Variants in ORC4 observed in about 807,000 individuals in gnomAD.
The protein encoded by ORC4 is origin recognition complex subunit 4, also known as origin recognition complex, subunit 4 homolog.
A neutral mutation model predicts 63.9 loss-of-function variants in ORC4; 55 were observed. The ratio of observed to expected loss-of-function variants is 0.86; its 90% CI spans 0.69 to 1.08. The LOEUF (loss-of-function observed/expected upper bound fraction) is 1.08, where lower values mean the gene tolerates loss of function less well. ORC4 is among the 50% of genes least tolerant of loss of function. The pLI is 0.00. For synonymous variants in ORC4, 150 were observed against 168.5 expected (o/e 0.89, Z 0.85); for missense variants, 511 against 504.4 (o/e 1.01, Z -0.13).
At chr2:147,946,681 T>A (rs912969961) in intron 9 of ORC4, among the ~76,000 whole-genome samples, 1 of 152,070 alleles carries the variant, frequency 6.6e-6, no homozygotes, top group Non-Finnish European at 1.5e-5. Context: ...TTAAAGATAA[T>A]GTCAGCTATT....
intron 1 of ORC4, among the ~76,000 whole-genome samples, chr2:148,010,962 G>A (rs1454429879): frequency 6.7e-6 from 1 of 150,208 alleles, no homozygotes; most frequent in Non-Finnish European, 1.5e-5. Flanking sequence ...CAGATTAGCT[G>A]GGATTACAGG....
At chr2:148,010,018 A>G (rs1449687741) in intron 1 of ORC4, among the ~76,000 whole-genome samples, 4 of 152,222 alleles carry the variant, frequency 2.6e-5, no homozygotes, top group Non-Finnish European at 4.4e-5. Context: ...TCTAACCACA[A>G]TGGAATAAAA....
intron 1 of ORC4, among the ~76,000 whole-genome samples, chr2:148,014,474 A>C (rs1693145340): frequency 6.6e-6 from 1 of 152,184 alleles, no homozygotes; most frequent in African/African-American, 2.4e-5. Context: ...CTATTATTCT[A>C]GGACTCATAT....
intron 1 of ORC4, among the ~76,000 whole-genome samples, chr2:148,015,804 A>C (rs1193893856): frequency 1.3e-5 from 2 of 152,182 alleles, no homozygotes; most frequent in African/African-American, 4.8e-5. Context: ...AAAACAGCAG[A>C]GACAACTTGC....
chr2:148,011,747 T>C (rs1246144547), intron 1 of ORC4, among the ~76,000 whole-genome samples: 1 of 152,158 alleles, frequency 6.6e-6, no homozygotes. Flanking sequence ...TTAGAACTAA[T>C]AAATTCAGTA....
intron 4 of ORC4, among the ~76,000 whole-genome samples, chr2:147,968,619 A>C (rs1690033756): frequency 6.6e-6 from 1 of 152,084 alleles, no homozygotes; most frequent in African/African-American, 2.4e-5. Flanking sequence ...GTCTATTTTC[A>C]GAAAAACAAA....
Position 147,935,295 on chromosome 2 carries a change from C to G in ORC4, c.*215G>C. On this transcript the variant is annotated 3_prime_UTR_variant, in exon 14 of 14. Coordinates refer to ENST00000392857, the MANE Select transcript of ORC4 (RefSeq NM_181741.4). ...AACAGTCATATTTTATTCTTCTGAA[C>G]AGCTACTTACAAAGTAATCTCAATC... 1 of 567,170 alleles carries G rather than the reference C, an allele frequency of 1.8e-6. No individual in the cohort carries two copies. The allele number at this position is 567,170 out of a possible 1,614,324, so 35.1% of individuals were successfully genotyped here. A position where few individuals can be genotyped will look rare whatever the true frequency, so the allele number is the denominator to read the frequency against.
intron 4 of ORC4, chr2:147,960,318 A>T (rs969003490): frequency 1.0e-6 from 1 of 982,012 alleles, no homozygotes; most frequent in Non-Finnish European, 1.2e-6. Flanking sequence ...TGAAATGATA[A>T]ATATATTAGC....
chr2:147,968,276 A>G (rs937752528), intron 4 of ORC4, among the ~76,000 whole-genome samples: 4 of 152,022 alleles, frequency 2.6e-5, no homozygotes, highest in African/African-American at 9.7e-5. Flanking sequence ...CAGACAACAT[A>G]AAAAAATAGA....
chr2:147,973,826 G>C (rs539293882), intron 2 of ORC4, among the ~76,000 whole-genome samples: 1 of 152,178 alleles, frequency 6.6e-6, no homozygotes, highest in Admixed American at 6.5e-5. Context: ...ATGTGAACGA[G>C]TTAAGAAAAG....
At chr2:147,961,024 T>C (rs952568585) in intron 4 of ORC4, among the ~76,000 whole-genome samples, 3 of 152,216 alleles carry the variant, frequency 2.0e-5, no homozygotes, top group Non-Finnish European at 2.9e-5. Flanking sequence ...CATTTTTGTA[T>C]TTCAGACAGT....
intron 2 of ORC4, among the ~76,000 whole-genome samples, 169 bp downstream of exon 2, chr2:147,975,733 C>A (rs1304634848): frequency 1.3e-5 from 2 of 152,104 alleles, no homozygotes; most frequent in Non-Finnish European, 2.9e-5. Flanking sequence ...ATTGTTCTTA[C>A]GACCTTGTGC....
At chr2:147,954,537 A>C (rs1372524229) in intron 7 of ORC4, among the ~76,000 whole-genome samples, 1 of 152,178 alleles carries the variant, frequency 6.6e-6, no homozygotes, top group Non-Finnish European at 1.5e-5. Context: ...GTACAGTAAA[A>C]ATATGGTTTT....
intron 6 of ORC4, among the ~76,000 whole-genome samples, chr2:147,957,859 T>C (rs1355670849): frequency 6.6e-6 from 1 of 151,382 alleles, no homozygotes; most frequent in Non-Finnish European, 1.5e-5. Context: ...AGTCAAAGGG[T>C]TGTAAGGCAT....
chr2:147,949,353 T>C (rs752690021), intron 8 of ORC4, among the ~76,000 whole-genome samples: 14 of 152,106 alleles, frequency 9.2e-5, no homozygotes, highest in Non-Finnish European at 1.9e-4. Flanking sequence ...CACAAAACTA[T>C]ACGTTGTATG....
chr2:147,957,715 T>C (rs1264012661), intron 6 of ORC4, among the ~76,000 whole-genome samples: 2 of 152,180 alleles, frequency 1.3e-5, no homozygotes, highest in Admixed American at 6.5e-5. Flanking sequence ...CAAATTATTT[T>C]TTAAGTTAAA....
Position 147,973,474 on chromosome 2 carries a change from G to T in ORC4, c.108C>A (p.Asn36Lys). ...TGTATTGTACTTGCACTCCAAATAG[G>T]TTACTATGTGGACTCTGACGACAAA... ...ERFCRQSPHS[N>K]LFGVQVQYKH... Residue 36 changes from asparagine (N) to lysine (K), a missense_variant, in exon 3 of 14, where the codon AAC becomes AAA. Physicochemically the swap from Asn to Lys is moderately conservative, Grantham distance 94. Coordinates refer to ENST00000392857, the MANE Select transcript of ORC4 (RefSeq NM_181741.4). 1 of 1,605,640 alleles carries T rather than the reference G, an allele frequency of 6.2e-7. No homozygotes were observed. Among genetic ancestry groups the T allele is most frequent in the Non-Finnish European group, 8.5e-7 (1 of 1,172,760 alleles).
At chr2:148,014,390 C>T (rs764269928) in intron 1 of ORC4, among the ~76,000 whole-genome samples, 4 of 152,094 alleles carry the variant, frequency 2.6e-5, no homozygotes, top group Non-Finnish European at 4.4e-5. Context: ...AACTCTTGAA[C>T]ATGAATAGTG....
chr2:147,974,903 A>C (rs1412648023), intron 2 of ORC4, among the ~76,000 whole-genome samples: 4 of 151,932 alleles, frequency 2.6e-5, no homozygotes, highest in African/African-American at 9.7e-5. Flanking sequence ...TACAGTGACT[A>C]GTCAGAAGGT....
Sources: allele counts gnomAD v4.1 joint callset (sites outside exome capture counted in the v4.1 genomes callset), GRCh38; gene constraint gnomAD v4.1.1; transcripts MANE v1.5; gene names NCBI Gene and HGNC (gene_info 2026-07-23, HGNC 2026-07-21).